The following PCDHGC3 variants were observed in gnomAD, a reference collection of about 807,000 sequenced individuals.
PCDHGC3 encodes protocadherin gamma subfamily C, 3.
Under a neutral mutation model 59.2 loss-of-function variants are expected in PCDHGC3, and 26 were observed. That is an observed-to-expected ratio of 0.44 (90% CI 0.32 to 0.61). The LOEUF (loss-of-function observed/expected upper bound fraction) is 0.61. PCDHGC3 is among the 20% of genes least tolerant of loss of function. The pLI is 0.05. For synonymous variants in PCDHGC3, 487 were observed against 519.7 expected (o/e 0.94, Z 0.86); for missense variants, 1,080 against 1,221.8 (o/e 0.88, Z 1.73).
Position 141,489,576 on chromosome 5 carries a change from C to G in PCDHGC3, c.2431-5231C>G. 6.2e-7 allele frequency: 1 copy of G among 1,614,054 alleles called. No individual in the cohort carries two copies. Among genetic ancestry groups the G allele is most frequent in the Non-Finnish European group, 8.5e-7 (1 of 1,179,976 alleles). On this transcript the variant is annotated intron_variant, in intron 1 of 3. Coordinates refer to ENST00000308177, the MANE Select transcript of PCDHGC3 (RefSeq NM_002588.4). This position sits in a 1 kb window ranked among gnomAD's most constrained non-coding sequence, Gnocchi z 4.5. ...TGCCAGTGCAGGTGGTGACTGAACA[C>G]CCCCTGGAGCTAATCCGTGTAGAGG...
Position 141,489,119 on chromosome 5 carries a change from C to T in PCDHGC3, c.2431-5688C>T, listed in dbSNP as rs1236074950. The T allele has an allele frequency of 2.0e-5, 13 of 650,240 alleles. No individual in the cohort carries two copies. Among genetic ancestry groups the T allele is most frequent in the African/African-American group, 9.1e-5 (5 of 55,178 alleles). 40.3% of individuals were successfully genotyped at this position (650,240 alleles called of 1,614,324 possible). ...GAACTGCTGCAAGCAGGCAAACCTC[C>T]GAGCAGTTTTTAAGAGGCTGGAAGG... On this transcript the variant is annotated intron_variant, in intron 1 of 3. Coordinates refer to ENST00000308177, the MANE Select transcript of PCDHGC3 (RefSeq NM_002588.4). This position sits in a 1 kb window ranked among gnomAD's most constrained non-coding sequence, Gnocchi z 4.5.
Position 141,491,478 on chromosome 5 carries a change from C to A in PCDHGC3, c.2431-3329C>A. ...CCCCGGACTTCTATAAGCAGTCCAG[C>A]CCCAACCTGCAGGTGAGCTCGGACG... On this transcript the variant is annotated intron_variant, in intron 1 of 3. Coordinates refer to ENST00000308177, the MANE Select transcript of PCDHGC3 (RefSeq NM_002588.4). The surrounding 1 kb of genome is among the most constrained non-coding windows in gnomAD (Gnocchi z 6.9). 6.2e-7 allele frequency: 1 copy of A among 1,614,068 alleles called. No individual in the cohort carries two copies. Among genetic ancestry groups the A allele is most frequent in the Non-Finnish European group, 8.5e-7 (1 of 1,180,004 alleles).
chr5:141,477,438 C>A lies in PCDHGC3; in HGVS notation c.1322C>A (p.Thr441Lys), dbSNP rs1386997844. The A allele has an allele frequency of 3.1e-6, 5 of 1,614,174 alleles. No individual in the cohort carries two copies. The Admixed American group carries it at 6.7e-5, about 22-fold the overall frequency. Residue 441 changes from threonine (T) to lysine (K), a missense_variant, in exon 1 of 4, where the codon ACA becomes AAA. Thr to Lys is a moderately conservative substitution (Grantham distance 78). Coordinates refer to ENST00000308177, the MANE Select transcript of PCDHGC3 (RefSeq NM_002588.4). The surrounding 1 kb of genome is among the most constrained non-coding windows in gnomAD (Gnocchi z 4.9). ...DAGTPSLSAL[T>K]IVRVQVSDIN... ...GGAACCCCTTCCCTCTCAGCCCTTA[C>A]AATAGTGCGTGTTCAAGTGTCCGAC...
At position 141,511,241 on chromosome 5, in the gene PCDHGC3, C is replaced by G; in HGVS notation, c.*68C>G. ...CCAGCCCAGCTTCTCCTTACCTGCA[C>G]CCAGGCCTCAGAGTTTCAGGGCTAA... On this transcript the variant is annotated 3_prime_UTR_variant, in exon 4 of 4. Transcript: ENST00000308177. 1 of 1,585,214 alleles carries G rather than the reference C, an allele frequency of 6.3e-7. No individual in the cohort carries two copies. The highest frequency in any genetic ancestry group is 1.1e-5 in the South Asian group (1 of 87,760).
Position 141,500,251 on chromosome 5 carries a change from C to T in PCDHGC3, c.2490-5142C>T, listed in dbSNP as rs187199142. Among the ~76,000 whole-genome samples, 1,493 of 151,438 alleles carry T rather than the reference C, an allele frequency of 9.9e-3. 32 individuals are homozygous for T. Among genetic ancestry groups the T allele is most frequent in the African/African-American group, 0.035 (1,426 of 41,214 alleles). Reference sequence around the variant, plus strand: ...TGATACGTAGCCTTGCTCTGTCACCCAGGCTGGACTGCAGTGGCGCAATCT... The same window carrying T: ...TGATACGTAGCCTTGCTCTGTCACCTAGGCTGGACTGCAGTGGCGCAATCT... On this transcript the variant is annotated intron_variant, in intron 2 of 3. Coordinates refer to ENST00000308177, the MANE Select transcript of PCDHGC3 (RefSeq NM_002588.4).
At chr5:141,481,524 A>G (rs186970700) in intron 1 of PCDHGC3, among the ~76,000 whole-genome samples, 4 of 152,240 alleles carry the variant, frequency 2.6e-5, no homozygotes, top group African/African-American at 9.6e-5. Flanking sequence ...CTCAGTAAAA[A>G]TCTAGAGATG....
chr5:141,501,706 T>TA (rs2099810629), intron 2 of PCDHGC3, among the ~76,000 whole-genome samples: 1 of 152,094 alleles, frequency 6.6e-6, no homozygotes, highest in South Asian at 2.1e-4. Flanking sequence ...ATTCCGAGGA[T>TA]AAAAAAGACA....
intron 1 of PCDHGC3, among the ~76,000 whole-genome samples, chr5:141,494,070 C>T (rs933213518): frequency 3.9e-5 from 6 of 152,174 alleles, no homozygotes; most frequent in African/African-American, 1.4e-4. Context: ...AGCTGGATCC[C>T]TCCCCGCTGC....
At chr5:141,501,926 C>T (rs1388315216) in intron 2 of PCDHGC3, among the ~76,000 whole-genome samples, 1 of 152,126 alleles carries the variant, frequency 6.6e-6, no homozygotes, top group African/African-American at 2.4e-5. Flanking sequence ...AGCTTTGTTC[C>T]CTCAACACCA....
intron 1 of PCDHGC3, among the ~76,000 whole-genome samples, chr5:141,483,522 C>G (rs557644901): frequency 9.3e-6 from 1 of 107,172 alleles, no homozygotes; most frequent in African/African-American, 3.9e-5. Flanking sequence ...TAGATCCTGA[C>G]TAAGGAAGCT....
In PCDHGC3 at chr5:141,486,610, C is replaced by G; in HGVS notation, c.2430+8064C>G. 6.2e-7 allele frequency: 1 copy of G among 1,613,620 alleles called. No homozygotes were observed. The highest frequency in any genetic ancestry group is 8.5e-7 in the Non-Finnish European group (1 of 1,180,038). On this transcript the variant is annotated intron_variant, in intron 1 of 3. Coordinates refer to ENST00000308177, the MANE Select transcript of PCDHGC3 (RefSeq NM_002588.4). This position sits in a 1 kb window ranked among gnomAD's most constrained non-coding sequence, Gnocchi z 5.0. ...GGGACCTGCTTTGCTCCCTTGCAGC[C>G]TCTGACCCAGACTCTGGCTTGAATG...
chr5:141,509,308 C>G (rs943174290), intron 3 of PCDHGC3, among the ~76,000 whole-genome samples: 6 of 152,152 alleles, frequency 3.9e-5, no homozygotes, highest in African/African-American at 1.4e-4. Flanking sequence ...CAGAGGGAGG[C>G]TGGGAGAGAA....
At chr5:141,507,676 A>G (rs2099862523) in intron 3 of PCDHGC3, among the ~76,000 whole-genome samples, 1 of 152,252 alleles carries the variant, frequency 6.6e-6, no homozygotes, top group African/African-American at 2.4e-5. Flanking sequence ...TCCAGATGTT[A>G]AAAACAGAAA....
In PCDHGC3 at chr5:141,486,288, T is replaced by G. The variant is rs1181533037; in HGVS notation, c.2430+7742T>G. ...GAACCTGGCACTGTGGTGGCACTTA[T>G]CAGTGTGCAGGATCCAGACTCAGGG... On this transcript the variant is annotated intron_variant, in intron 1 of 3. Transcript: ENST00000308177. This position sits in a 1 kb window ranked among gnomAD's most constrained non-coding sequence, Gnocchi z 5.0. The G allele has an allele frequency of 6.2e-7, 1 of 1,613,996 alleles. No individual in the cohort carries two copies. The highest frequency in any genetic ancestry group is 1.7e-5 in the Admixed American group (1 of 60,000).
In PCDHGC3 at chr5:141,477,377, C is replaced by A. The variant is rs1456451105; in HGVS notation, c.1261C>A (p.Pro421Thr). Residue 421 changes from proline (P) to threonine (T), a missense_variant, in exon 1 of 4, where the codon CCA becomes ACA. By Grantham distance (38) the Pro-to-Thr change is conservative. Coordinates refer to ENST00000308177, the MANE Select transcript of PCDHGC3 (RefSeq NM_002588.4). This position sits in a 1 kb window ranked among gnomAD's most constrained non-coding sequence, Gnocchi z 4.9. ...TSADLDRETV[P>T]EYNLSITARD... ...TGCAGACCTGGATCGGGAGACTGTG[C>A]CAGAATACAACCTCAGCATCACCGC... 1.2e-6 allele frequency: 2 copies of A among 1,614,026 alleles called. No homozygotes were observed. The highest frequency in any genetic ancestry group is 1.7e-6 in the Non-Finnish European group (2 of 1,180,032).
intron 2 of PCDHGC3, among the ~76,000 whole-genome samples, chr5:141,501,876 C>T (rs1463329895): frequency 6.6e-6 from 1 of 152,118 alleles, no homozygotes; most frequent in East Asian, 1.9e-4. Context: ...CGCCTCCTTA[C>T]ACTCCTGATC....
rs1005709757 is a variant in PCDHGC3 at position 141,495,051 on chromosome 5, A to G, written c.2489+186A>G. Among the ~76,000 whole-genome samples, 3 of 152,042 alleles carry G rather than the reference A, an allele frequency of 2.0e-5. No homozygotes were observed. In the East Asian group the frequency reaches 5.8e-4, roughly 29 times the overall value. On this transcript the variant is annotated intron_variant, in intron 2 of 3. Transcript: ENST00000308177. ...CCGGAAGGAAGAGGCGACTGCCCTG[A>G]CTGTTCAGGAAGCTCAATTCACATG... is the stretch of plus-strand genomic sequence containing the variant.
intron 1 of PCDHGC3, chr5:141,492,070 GCCGGCT>G (rs1329848558): frequency 2.1e-6 from 1 of 477,826 alleles, no homozygotes; most frequent in Non-Finnish European, 3.7e-6. Context: ...CCTCCTAGGC[GCCGGCT>G]CCGGCACGCT....
At position 141,491,458 on chromosome 5, in the gene PCDHGC3, G is replaced by T. The variant is rs867069360; in HGVS notation, c.2431-3349G>T. 1.9e-6 allele frequency: 3 copies of T among 1,613,974 alleles called. No homozygotes were observed. The highest frequency in any genetic ancestry group is 1.6e-4 in the Middle Eastern group (1 of 6,084). On this transcript the variant is annotated intron_variant, in intron 1 of 3. Coordinates refer to ENST00000308177, the MANE Select transcript of PCDHGC3 (RefSeq NM_002588.4). This position sits in a 1 kb window ranked among gnomAD's most constrained non-coding sequence, Gnocchi z 6.9. ...CAGGCGCCAGGACTCACCCTCCCCGGACTTCTATAAGCAGTCCAGCCCCAA... is the reference window on the plus strand; with the variant it reads ...CAGGCGCCAGGACTCACCCTCCCCGTACTTCTATAAGCAGTCCAGCCCCAA...
Sources: gnomAD v4.1 joint callset for allele counts (sites outside exome capture counted in the v4.1 genomes callset) on GRCh38, gnomAD v4.1.1 for gene constraint, Gnocchi (gnomAD v3.1) non-coding constraint, MANE v1.5 for transcripts, NCBI Gene and HGNC (gene_info 2026-07-23, HGNC 2026-07-21) for gene names.